GRM8: variants seen among roughly 807,000 people sequenced by gnomAD.
The protein encoded by GRM8 is glutamate metabotropic receptor 8.
GRM8 carries 47 observed loss-of-function variants against 87.2 expected under a neutral mutation model. That is an observed-to-expected ratio of 0.54 (90% CI 0.43 to 0.69). GRM8 has a LOEUF of 0.69. GRM8 is among the 30% of genes least tolerant of loss of function. GRM8 has a pLI of 0.00. For missense variants in GRM8, 1,019 were observed against 1,139.2 expected, an observed-to-expected ratio of 0.89 and a Z score of 1.52; for synonymous variants, 396 against 404.5, an observed-to-expected ratio of 0.98 and a Z score of 0.25.
At chr7:127,017,815 T>G (rs982850447) in intron 3 of GRM8, among the ~76,000 whole-genome samples, 1 of 151,882 alleles carries the variant, frequency 6.6e-6, no homozygotes, top group Non-Finnish European at 1.5e-5. Context: ...AATAGAAATA[T>G]AAATGAATGG....
chr7:126,763,069 C>T (rs190422576), intron 7 of GRM8, among the ~76,000 whole-genome samples: 2 of 151,018 alleles, frequency 1.3e-5, no homozygotes, highest in East Asian at 3.9e-4. Flanking sequence ...ATTCATGTGG[C>T]TCTTTTAATG....
chr7:126,826,630 G>A (rs911885158), intron 6 of GRM8, among the ~76,000 whole-genome samples: 3 of 152,098 alleles, frequency 2.0e-5, no homozygotes, highest in Admixed American at 6.6e-5. Context: ...TTTGTCAGAT[G>A]AGTAGGTTGC....
intron 8 of GRM8, among the ~76,000 whole-genome samples, chr7:126,596,425 T>C (rs756325979): frequency 2.0e-5 from 3 of 152,218 alleles, no homozygotes; most frequent in Non-Finnish European, 2.9e-5. Context: ...TGAACGTTTT[T>C]TCATATACTT....
At chr7:126,484,186 G>A (rs1807077851) in intron 9 of GRM8, among the ~76,000 whole-genome samples, 2 of 152,064 alleles carry the variant, frequency 1.3e-5, no homozygotes, top group Admixed American at 1.3e-4. Flanking sequence ...CAAAGCAGGG[G>A]ATAATTAAGT....
At chr7:126,962,623 C>T (rs1211517735) in intron 3 of GRM8, among the ~76,000 whole-genome samples, 4 of 152,130 alleles carry the variant, frequency 2.6e-5, no homozygotes, top group African/African-American at 9.7e-5. Context: ...AGATACTGTG[C>T]CTTTTAATAG....
intron 3 of GRM8, among the ~76,000 whole-genome samples, chr7:126,984,912 G>A (rs144715463): frequency 2.0e-5 from 3 of 152,046 alleles, no homozygotes; most frequent in African/African-American, 7.2e-5. Context: ...GACCTTTCAG[G>A]CGGATGCACC....
chr7:126,762,510 T>C (rs1409369354), intron 7 of GRM8, among the ~76,000 whole-genome samples: 1 of 152,118 alleles, frequency 6.6e-6, no homozygotes, highest in Non-Finnish European at 1.5e-5. Context: ...CAAAGACATT[T>C]CTTGTTTATG....
intron 8 of GRM8, among the ~76,000 whole-genome samples, chr7:126,567,253 T>G (rs1333366408): frequency 6.6e-6 from 1 of 152,124 alleles, no homozygotes; most frequent in African/African-American, 2.4e-5. Flanking sequence ...TCATGTCCTT[T>G]GTAGGGACAT....
chr7:126,691,310 C>CTT (rs1470926986), intron 7 of GRM8, among the ~76,000 whole-genome samples: 1 of 152,210 alleles, frequency 6.6e-6, no homozygotes, highest in African/African-American at 2.4e-5. Flanking sequence ...TCAGCCTTAA[C>CTT]TTTGCTCTGA....
At chr7:126,558,275 T>C (rs765231202) in intron 8 of GRM8, among the ~76,000 whole-genome samples, 1 of 152,194 alleles carries the variant, frequency 6.6e-6, no homozygotes, top group Non-Finnish European at 1.5e-5. Flanking sequence ...TTTTTATGTA[T>C]TTCTTTATTA....
At chr7:127,017,628 G>A (rs932531934) in intron 3 of GRM8, among the ~76,000 whole-genome samples, 8 of 152,052 alleles carry the variant, frequency 5.3e-5, no homozygotes, top group South Asian at 2.1e-4. Context: ...GCTGATGCAT[G>A]TCATTTGGAA....
At chr7:126,904,518 C>A in intron 4 of GRM8, 30 bp downstream of exon 4, 1 of 1,603,642 alleles carries the variant, frequency 6.2e-7, no homozygotes, top group South Asian at 1.1e-5. Context: ...ACAAATCTGA[C>A]CCTACATACA....
At chr7:126,764,882 C>A (rs748638962) in intron 7 of GRM8, among the ~76,000 whole-genome samples, 1 of 152,054 alleles carries the variant, frequency 6.6e-6, no homozygotes, top group Non-Finnish European at 1.5e-5. Context: ...CCTAAAGAAG[C>A]AATGAGATTC....
At chr7:126,744,424 A>G (rs1416623480) in intron 7 of GRM8, among the ~76,000 whole-genome samples, 2 of 152,058 alleles carry the variant, frequency 1.3e-5, no homozygotes, top group Non-Finnish European at 2.9e-5. Context: ...ATACTCCTCA[A>G]ATCAAGTCCA....
chr7:127,139,013 GATAT>G (rs1414393019), intron 2 of GRM8, among the ~76,000 whole-genome samples: 1 of 152,106 alleles, frequency 6.6e-6, no homozygotes, highest in Non-Finnish European at 1.5e-5. Flanking sequence ...TAAGCAGACA[GATAT>G]ATGCGACATG....
At chr7:126,987,193 C>A (rs1275438672) in intron 3 of GRM8, among the ~76,000 whole-genome samples, 2 of 152,096 alleles carry the variant, frequency 1.3e-5, no homozygotes, top group Admixed American at 1.3e-4. Flanking sequence ...AAAAACTTTT[C>A]TTTTTGAGAT....
At chr7:126,887,422 G>A (rs1429912468) in intron 6 of GRM8, among the ~76,000 whole-genome samples, 1 of 152,096 alleles carries the variant, frequency 6.6e-6, no homozygotes, top group Non-Finnish European at 1.5e-5. Context: ...TGGAGTTCCT[G>A]TGTGCTTAGG....
chr7:127,176,700 C>A (rs1412903533), intron 2 of GRM8, among the ~76,000 whole-genome samples: 1 of 152,220 alleles, frequency 6.6e-6, no homozygotes, highest in Non-Finnish European at 1.5e-5. Context: ...TCTCACAGGG[C>A]TCCATGCAGA....
At chr7:126,771,264 A>G (rs1196120301) in intron 6 of GRM8, among the ~76,000 whole-genome samples, 2 of 151,974 alleles carry the variant, frequency 1.3e-5, no homozygotes, top group African/African-American at 4.8e-5. Context: ...GTTTTTTTCT[A>G]AACAAAAATA....
Sources: allele counts gnomAD v4.1 joint callset (sites outside exome capture counted in the v4.1 genomes callset), GRCh38; gene constraint gnomAD v4.1.1; transcripts MANE v1.5; gene names NCBI Gene and HGNC (gene_info 2026-07-23, HGNC 2026-07-21).